Variants in NEK10 observed in about 807,000 individuals in gnomAD.
The protein encoded by NEK10 is NIMA related kinase 10.
NEK10 carries 122 observed loss-of-function variants against 159.8 expected under a neutral mutation model. The ratio of observed to expected loss-of-function variants is 0.76; its 90% confidence interval spans 0.66 to 0.89. The LOEUF (loss-of-function observed/expected upper bound fraction) is 0.89. Ranked by LOEUF, NEK10 falls within the 40% of genes least tolerant of loss-of-function variation. The probability of loss-of-function intolerance (pLI) is 0.00; values close to 1 mark genes in which losing one functional copy is unlikely to be tolerated. For missense variants in NEK10, 1,342 were observed against 1,323.1 expected (o/e 1.01, Z -0.22); for synonymous variants, 466 against 457.1 (o/e 1.02, Z -0.25).
intron 22 of NEK10, among the ~76,000 whole-genome samples, chr3:27,273,956 A>C (rs546712532): frequency 6.6e-6 from 1 of 152,292 alleles, no homozygotes; most frequent in South Asian, 2.1e-4. Flanking sequence ...TCTGAAGGTC[A>C]TTCAGATTCT....
At chr3:27,112,316 T>G (rs1175218371) in intron 35 of NEK10, among the ~76,000 whole-genome samples, 1 of 152,206 alleles carries the variant, frequency 6.6e-6, no homozygotes, top group Non-Finnish European at 1.5e-5. Context: ...AAACCAAAAA[T>G]GTACCTTATC....
intron 23 of NEK10, among the ~76,000 whole-genome samples, chr3:27,204,275 CTTTT>C (rs1203026508): frequency 4.7e-5 from 3 of 64,006 alleles, no homozygotes; most frequent in African/African-American, 1.7e-4. Flanking sequence ...GATAAATTTT[CTTTT>C]TTTTTTTTTT....
intron 5 of NEK10, among the ~76,000 whole-genome samples, chr3:27,336,157 A>G (rs11714071): frequency 0.32 from 49,326 of 152,018 alleles, 10,046 homozygotes; most frequent in East Asian, 0.74. Flanking sequence ...TCAGAAATGG[A>G]AAAGGAGATA....
At chr3:27,246,506 T>A (rs1053284209) in intron 23 of NEK10, among the ~76,000 whole-genome samples, 1 of 152,172 alleles carries the variant, frequency 6.6e-6, no homozygotes, top group African/African-American at 2.4e-5. Flanking sequence ...AATAATCACA[T>A]CACAGTAAAT....
At chr3:27,351,109 G>C (rs571492459) in intron 3 of NEK10, among the ~76,000 whole-genome samples, 1 of 152,154 alleles carries the variant, frequency 6.6e-6, no homozygotes, top group Non-Finnish European at 1.5e-5. Flanking sequence ...GGAAGACAGA[G>C]ATCACCTCTA....
chr3:27,254,613 G>A (rs1357519430), intron 23 of NEK10, among the ~76,000 whole-genome samples: 1 of 150,968 alleles, frequency 6.6e-6, no homozygotes, highest in African/African-American at 2.4e-5. Context: ...CAGACAAGAG[G>A]CATTTCTAAT....
intron 30 of NEK10, among the ~76,000 whole-genome samples, chr3:27,147,481 G>A (rs1944417270): frequency 6.6e-6 from 1 of 152,230 alleles, no homozygotes; most frequent in Admixed American, 6.5e-5. Flanking sequence ...CTGAGTCAAA[G>A]CATCAGCTCC....
At chr3:27,210,724 A>G (rs979592779) in intron 23 of NEK10, among the ~76,000 whole-genome samples, 2 of 152,300 alleles carry the variant, frequency 1.3e-5, no homozygotes, top group Middle Eastern at 3.4e-3. Context: ...TCTCCTATCA[A>G]TCTGTCTATT....
chr3:27,146,082 T>G (rs1418280066), intron 30 of NEK10, among the ~76,000 whole-genome samples: 2 of 152,180 alleles, frequency 1.3e-5, no homozygotes, highest in African/African-American at 2.4e-5. Flanking sequence ...TCTCTCAACA[T>G]TTAATTAATT....
intron 25 of NEK10, 22 bp from the exon 26 acceptor site, chr3:27,192,264 A>T: frequency 6.3e-7 from 1 of 1,580,020 alleles, no homozygotes; most frequent in Non-Finnish European, 8.7e-7. Context: ...TGAGATAATT[A>T]TAACACTCTG....
chr3:27,256,639 G>A (rs7626414), intron 22 of NEK10, among the ~76,000 whole-genome samples: 19,705 of 152,074 alleles, frequency 0.13, 3,138 homozygotes, highest in African/African-American at 0.38. Flanking sequence ...TAAACAGAAT[G>A]AATCTAACAT....
At chr3:27,214,264 C>T (rs1023202902) in intron 23 of NEK10, among the ~76,000 whole-genome samples, 51 of 152,328 alleles carry the variant, frequency 3.3e-4, no homozygotes, top group African/African-American at 1.1e-3. Flanking sequence ...AACCCAACCA[C>T]CCCTAGGCAT....
intron 1 of NEK10, among the ~76,000 whole-genome samples, chr3:27,358,973 G>A (rs2048498005): frequency 6.6e-6 from 1 of 152,180 alleles, no homozygotes. Context: ...GGGAGGCCAA[G>A]GCAGGCAGAT....
Position 27,202,526 on chromosome 3 carries a change from C to T in NEK10, c.2122G>A (p.Glu708Lys). Reference sequence around the variant, plus strand: ...CCTACTGCCCAGACATCAGCCTTCTCCCCATACGGCTCACTCTTCAGTACC... The same window carrying T: ...CCTACTGCCCAGACATCAGCCTTCTTCCCATACGGCTCACTCTTCAGTACC... ...PEVLKSEPYGEKADVWAVGCI... is the reference protein window; with the variant it reads ...PEVLKSEPYGKKADVWAVGCI... Residue 708 changes from glutamate to lysine, a missense_variant, in exon 24 of 36, where the codon GAG becomes AAG. Glu to Lys is a moderately conservative substitution (Grantham distance 56). Coordinates refer to ENST00000691995, the MANE Select transcript of NEK10 (RefSeq NM_001394966.1). 6.2e-7 allele frequency: 1 copy of T among 1,612,182 alleles called. No homozygotes were observed. Among genetic ancestry groups the T allele is most frequent in the Non-Finnish European group, 8.5e-7 (1 of 1,178,956 alleles).
chr3:27,227,421 C>T (rs1341784511), intron 23 of NEK10, among the ~76,000 whole-genome samples: 1 of 152,180 alleles, frequency 6.6e-6, no homozygotes, highest in African/African-American at 2.4e-5. Context: ...GGCTCATTAG[C>T]ATAAAGGTTA....
At chr3:27,275,781 C>G (rs1347168852) in intron 22 of NEK10, among the ~76,000 whole-genome samples, 1 of 152,064 alleles carries the variant, frequency 6.6e-6, no homozygotes, top group Non-Finnish European at 1.5e-5. Flanking sequence ...CACAGTTTAG[C>G]CAACCAATAA....
chr3:27,260,388 G>C (rs375787053), intron 22 of NEK10, among the ~76,000 whole-genome samples: 3 of 152,174 alleles, frequency 2.0e-5, no homozygotes. Context: ...TTTTGAGATA[G>C]GTCCCATCAA....
intron 12 of NEK10, among the ~76,000 whole-genome samples, chr3:27,302,234 A>G (rs1482749403): frequency 6.6e-6 from 1 of 151,990 alleles, no homozygotes; most frequent in Non-Finnish European, 1.5e-5. Flanking sequence ...GGCCCTTTTC[A>G]TTTTACTCTG....
chr3:27,323,418 T>C (rs1008184729), intron 5 of NEK10, among the ~76,000 whole-genome samples: 15 of 152,138 alleles, frequency 9.9e-5, no homozygotes, highest in African/African-American at 3.6e-4. Flanking sequence ...GCAAGTGTTG[T>C]TGGACAGGAA....
Sources: allele counts gnomAD v4.1 joint callset (sites outside exome capture counted in the v4.1 genomes callset), GRCh38; gene constraint gnomAD v4.1.1; transcripts MANE v1.5; gene names NCBI Gene and HGNC (gene_info 2026-07-23, HGNC 2026-07-21).